NUMA1: variants seen among roughly 807,000 people sequenced by gnomAD.
The protein encoded by NUMA1 is nuclear mitotic apparatus protein 1.
NUMA1 carries 62 observed loss-of-function variants against 237.1 expected under a neutral mutation model. The observed-to-expected ratio is 0.26, with a 90% CI of 0.21 to 0.32. NUMA1 has a LOEUF of 0.32. Ranked by LOEUF, NUMA1 falls within the 10% of genes least tolerant of loss-of-function variation. The pLI is 1.00. For missense variants in NUMA1, 2,533 were observed against 2,666.5 expected (o/e 0.95, Z 1.10); for synonymous variants, 1,028 against 1,066.1 (o/e 0.96, Z 0.70).
At chr11:72,058,375 TC>T (rs1370641840) in intron 2 of NUMA1, among the ~76,000 whole-genome samples, 33 of 151,972 alleles carry the variant, frequency 2.2e-4, no homozygotes, top group African/African-American at 8.0e-4. Context: ...CTGCAACTTA[TC>T]TCATCTAACA....
chr11:72,043,008 G>A (rs1347505110), intron 2 of NUMA1, among the ~76,000 whole-genome samples: 1 of 152,108 alleles, frequency 6.6e-6, no homozygotes, highest in Non-Finnish European at 1.5e-5. Context: ...TACAGTTCCA[G>A]CTACTTGGGA....
chr11:72,029,708 C>T (rs1263506378), intron 3 of NUMA1, among the ~76,000 whole-genome samples: 2 of 152,122 alleles, frequency 1.3e-5, no homozygotes, highest in African/African-American at 2.4e-5. Flanking sequence ...ATTTCTTGAA[C>T]GTTTACATTA....
intron 2 of NUMA1, among the ~76,000 whole-genome samples, chr11:72,048,753 G>A (rs190010278): frequency 3.9e-5 from 6 of 152,182 alleles, no homozygotes; most frequent in Admixed American, 3.3e-4. Context: ...CTGAGGATCC[G>A]AGAGCTTTAC....
chr11:72,003,707 T>A, intron 26 of NUMA1, 169 bp from the exon 27 acceptor site: 1 of 1,011,192 alleles, frequency 9.9e-7, no homozygotes, highest in Non-Finnish European at 1.5e-6. Flanking sequence ...GTGCTCTCCA[T>A]GAGAATGGGG....
Position 72,003,495 on chromosome 11 carries a change from C to T in NUMA1, c.*32G>A, listed in dbSNP as rs372495840. ...GACCAGGTGAGGTCAGCATCGGGGA[C>T]ACAGGTGGGGCCACTCACTGGTACT... On this transcript the variant is annotated 3_prime_UTR_variant, in exon 27 of 27. Coordinates refer to ENST00000393695, the MANE Select transcript of NUMA1 (RefSeq NM_006185.4). The T allele has an allele frequency of 1.9e-6, 3 of 1,611,684 alleles. No individual in the cohort carries two copies. The highest frequency in any genetic ancestry group is 2.5e-6 in the Non-Finnish European group (3 of 1,177,774).
chr11:72,020,451 T>C (rs1288834054), intron 8 of NUMA1: 1 of 152,268 alleles, frequency 6.6e-6, no homozygotes, highest in Non-Finnish European at 1.5e-5. Flanking sequence ...GAACGATCAC[T>C]CTTTCTACTG....
chr11:72,040,167 A>T (rs1211871825), intron 2 of NUMA1, among the ~76,000 whole-genome samples: 1 of 152,104 alleles, frequency 6.6e-6, no homozygotes, highest in Non-Finnish European at 1.5e-5. Context: ...GGTCCATCTA[A>T]AGGGACTAGC....
chr11:72,003,384 T>G lies in NUMA1; in HGVS notation c.*143A>C. 1 of 799,818 alleles carries G rather than the reference T, an allele frequency of 1.3e-6. No individual in the cohort carries two copies. Among genetic ancestry groups the G allele is most frequent in the Non-Finnish European group, 2.2e-6 (1 of 461,466 alleles). 49.5% of individuals were successfully genotyped at this position (799,818 alleles called of 1,614,324 possible). A position where few individuals can be genotyped will look rare whatever the true frequency, so the allele number is the denominator to read the frequency against. The stretch of plus-strand genomic sequence containing the variant: ...TGAAGGACCAGGGACCAGGCCAGGG[T>G]GCGGGCAGGCATCACTGTCTCTAGG... On this transcript the variant is annotated 3_prime_UTR_variant, in exon 27 of 27. Coordinates refer to ENST00000393695, the MANE Select transcript of NUMA1 (RefSeq NM_006185.4).
At chr11:72,008,322 G>T in intron 20 of NUMA1, 1 of 385,528 alleles carries the variant, frequency 2.6e-6, no homozygotes, top group East Asian at 5.8e-5. Flanking sequence ...AGCCACCAAG[G>T]TTTCCTCAAT....
intron 2 of NUMA1, among the ~76,000 whole-genome samples, chr11:72,061,492 T>TTTC (rs1942942207): frequency 7.4e-6 from 1 of 135,336 alleles, no homozygotes; most frequent in East Asian, 2.3e-4. Context: ...TTTCTTTTTT[T>TTTC]TTTTTTTTTT....
intron 24 of NUMA1, 53 bp downstream of exon 24, chr11:72,004,587 G>A: frequency 1.9e-6 from 3 of 1,559,524 alleles, no homozygotes; most frequent in East Asian, 4.5e-5. Context: ...TTGGTGAGCT[G>A]GGCCTGACCT....
chr11:72,019,654 G>T, intron 8 of NUMA1, 37 bp from the exon 9 acceptor site: 2 of 1,603,054 alleles, frequency 1.2e-6, no homozygotes, highest in East Asian at 2.2e-5. Context: ...ATCAACAAAG[G>T]TTAGTAAGAA....
At chr11:72,076,311 T>C (rs898517896) in intron 1 of NUMA1, among the ~76,000 whole-genome samples, 1 of 151,946 alleles carries the variant, frequency 6.6e-6, no homozygotes, top group Non-Finnish European at 1.5e-5. Flanking sequence ...GAGGCAGAGG[T>C]TGCAGTGAGC....
Position 72,021,070 on chromosome 11 carries a change from A to C in NUMA1, c.460+134T>G, listed in dbSNP as rs866595782. The C allele has an allele frequency of 5.6e-6, 4 of 713,770 alleles. No individual in the cohort carries two copies. In the Middle Eastern group the frequency reaches 1.2e-3, roughly 220 times the overall value. 44.2% of individuals were successfully genotyped at this position (713,770 alleles called of 1,614,324 possible). A position where few individuals can be genotyped will look rare whatever the true frequency, so the allele number is the denominator to read the frequency against. ...CCCAGAAATCGACCTACTCCATTAC[A>C]CACACTTTTCCTGAGCATCAACTCT... On this transcript the variant is annotated intron_variant, in intron 8 of 26. Coordinates refer to ENST00000393695, the MANE Select transcript of NUMA1 (RefSeq NM_006185.4).
chr11:72,003,797 G>T (rs1256618969), intron 26 of NUMA1, 90 bp downstream of exon 26: 2 of 1,365,488 alleles, frequency 1.5e-6, no homozygotes, highest in Non-Finnish European at 2.0e-6. Context: ...GCCTGGCGTG[G>T]CCCCATCTTG....
intron 9 of NUMA1, 113 bp downstream of exon 9, chr11:72,019,381 G>A (rs919859684): frequency 1.4e-5 from 20 of 1,384,604 alleles, no homozygotes; most frequent in Middle Eastern, 2.6e-4. Context: ...CAGATCTACC[G>A]GATACTCTAA....
rs749242336 is a variant in NUMA1, at chr11:72,007,380, G to T, written c.5272C>A (p.Pro1758Thr). ...GTSVPGEPAS[P>T]ISQRLPPKVE... Reference sequence around the variant, plus strand: ...TTGGGGGGCAGGCGCTGGGAGATAGGTGAGGCTGGTTCTCCAGGGACGCTG... The same window carrying T: ...TTGGGGGGCAGGCGCTGGGAGATAGTTGAGGCTGGTTCTCCAGGGACGCTG... The change falls in exon 21 of 27, where the codon CCT (proline) becomes ACT (threonine). Residue 1758 changes from proline (P) to threonine (T), a missense_variant. Pro to Thr is a conservative substitution (Grantham distance 38). Coordinates refer to ENST00000393695, the MANE Select transcript of NUMA1 (RefSeq NM_006185.4). 1 of 1,613,826 alleles carries T rather than the reference G, an allele frequency of 6.2e-7. No homozygotes were observed. The highest frequency in any genetic ancestry group is 1.1e-5 in the South Asian group (1 of 91,066).
chr11:72,008,645 G>A, intron 20 of NUMA1, 43 bp downstream of exon 20: 3 of 1,598,154 alleles, frequency 1.9e-6, no homozygotes, highest in Non-Finnish European at 2.6e-6. Flanking sequence ...ATAAACAGCA[G>A]GCACTCCATA....
Position 72,079,840 on chromosome 11 carries a change from A to T in NUMA1, c.-103+618T>A, listed in dbSNP as rs1338756717. The stretch of plus-strand genomic sequence containing the variant: ...GCAGGTAAGGTCATTGTTTACATAT[A>T]TGAAAAGTGAGGCTCAAAATACACT... On this transcript the variant is annotated intron_variant, in intron 1 of 26. Transcript: ENST00000393695. 3.3e-5 allele frequency among the ~76,000 whole-genome samples: 5 copies of T among 151,674 alleles called. No individual in the cohort carries two copies. The South Asian group carries it at 1.0e-3, about 32-fold the overall frequency.
Sources: gnomAD v4.1 joint callset for allele counts (sites outside exome capture counted in the v4.1 genomes callset) on GRCh38, gnomAD v4.1.1 for gene constraint, MANE v1.5 for transcripts, NCBI Gene and HGNC (gene_info 2026-07-23, HGNC 2026-07-21) for gene names.